TBC1D12: variants seen among roughly 807,000 people sequenced by gnomAD.
The protein encoded by TBC1D12 is TBC1 domain family member 12.
A neutral mutation model predicts 86.7 loss-of-function variants in TBC1D12; 56 were observed. That is an observed-to-expected ratio of 0.65 (90% CI 0.52 to 0.81). The LOEUF is 0.81. Ranked by LOEUF, TBC1D12 falls within the 30% of genes least tolerant of loss-of-function variation. The pLI is 0.00. For synonymous variants in TBC1D12, 421 were observed against 411.7 expected, an observed-to-expected ratio of 1.02 and a Z score of -0.27; for missense variants, 1,023 against 1,038.8, an observed-to-expected ratio of 0.98 and a Z score of 0.21.
chr10:94,423,826 C>G (rs2055112145), intron 1 of TBC1D12, among the ~76,000 whole-genome samples: 1 of 152,086 alleles, frequency 6.6e-6, no homozygotes, highest in African/African-American at 2.4e-5. Context: ...GCTACTGTTT[C>G]AGAGAAGGAA....
At chr10:94,445,627 T>G (rs1225638159) in intron 2 of TBC1D12, among the ~76,000 whole-genome samples, 1 of 152,118 alleles carries the variant, frequency 6.6e-6, no homozygotes, top group African/African-American at 2.4e-5. Flanking sequence ...AGTCAAGTCA[T>G]TTTTCTTCTG....
At chr10:94,482,004 T>C (rs1019286147) in intron 3 of TBC1D12, among the ~76,000 whole-genome samples, 3 of 152,228 alleles carry the variant, frequency 2.0e-5, no homozygotes, top group Admixed American at 6.5e-5. Flanking sequence ...TTTCTTTTTG[T>C]TTTCCAAATT....
intron 3 of TBC1D12, among the ~76,000 whole-genome samples, chr10:94,478,275 T>G (rs918681796): frequency 6.6e-6 from 1 of 151,884 alleles, no homozygotes; most frequent in African/African-American, 2.4e-5. Flanking sequence ...AAAAATAAAA[T>G]AAGATGACAG....
At chr10:94,508,774 T>C (rs2056491448) in intron 7 of TBC1D12, 2 of 152,196 alleles carry the variant, frequency 1.3e-5, no homozygotes. Context: ...GATAGTGTCA[T>C]TGCCTGTTAA....
At chr10:94,482,895 G>A (rs1360905577) in intron 3 of TBC1D12, among the ~76,000 whole-genome samples, 2 of 152,074 alleles carry the variant, frequency 1.3e-5, no homozygotes, top group Non-Finnish European at 2.9e-5. Context: ...AAATAAGTGA[G>A]AACATGTGAT....
chr10:94,525,506 A>C (rs1842264536), intron 11 of TBC1D12, among the ~76,000 whole-genome samples: 1 of 151,880 alleles, frequency 6.6e-6, no homozygotes, highest in Non-Finnish European at 1.5e-5. Context: ...CGGGAGGCTG[A>C]GGCACGAGAA....
At chr10:94,479,307 T>C (rs2056042559) in intron 3 of TBC1D12, among the ~76,000 whole-genome samples, 1 of 152,202 alleles carries the variant, frequency 6.6e-6, no homozygotes, top group Non-Finnish European at 1.5e-5. Flanking sequence ...TTAGCTTCTA[T>C]TTTTTCCTGT....
intron 11 of TBC1D12, 76 bp downstream of exon 11, chr10:94,522,529 A>T: frequency 1.5e-6 from 1 of 647,804 alleles, no homozygotes; most frequent in Non-Finnish European, 2.5e-6. Flanking sequence ...TAGGAACTAG[A>T]GTAAATCTCA....
Position 94,403,399 on chromosome 10 carries a change from G to A in TBC1D12, c.786G>A (p.Pro262=), listed in dbSNP as rs2054799308. The change falls in exon 1 of 13, where the codon CCG becomes CCA. Residue 262 remains proline (P), a synonymous_variant. Transcript: ENST00000225235. ...AGAGGACTAATGGGGGTGCGGAGCC[G>A]CGCCTGGGCTTTTCTGACATTCACT... is the stretch of plus-strand genomic sequence containing the variant. ...SAERTNGGAE[P]RLGFSDIHFN... is the part of the protein sequence containing the mutation. 2.6e-6 allele frequency: 4 copies of A among 1,546,756 alleles called. No homozygotes were observed. Among genetic ancestry groups the A allele is most frequent in the East Asian group, 2.5e-5 (1 of 39,942 alleles).
At chr10:94,479,369 G>T (rs539666649) in intron 3 of TBC1D12, among the ~76,000 whole-genome samples, 23 of 152,050 alleles carry the variant, frequency 1.5e-4, no homozygotes, top group African/African-American at 5.5e-4. Context: ...TTAACATAAT[G>T]AAAAGGGATA....
At chr10:94,417,333 G>T (rs546335014) in intron 1 of TBC1D12, among the ~76,000 whole-genome samples, 1 of 152,302 alleles carries the variant, frequency 6.6e-6, no homozygotes, top group Non-Finnish European at 1.5e-5. Context: ...GCAAGAAGGG[G>T]TGGTTAATAA....
rs1427850669 is a variant in TBC1D12 at position 94,442,098 on chromosome 10, TTA to T, written c.1095+80_1095+81del. ...CTTCTTCTTCTTTTTTTTTTTTTTTTTAAACTAACCATATTCTATTTTTATTC... is the reference window on the plus strand; with the variant it reads ...CTTCTTCTTCTTTTTTTTTTTTTTTTAACTAACCATATTCTATTTTTATTC... On this transcript the variant is annotated intron_variant, in intron 2 of 12. Coordinates refer to ENST00000225235, the MANE Select transcript of TBC1D12 (RefSeq NM_015188.2). 4.5e-4 allele frequency: 380 copies of T among 850,208 alleles called. 1 individual carries two copies. The highest frequency in any genetic ancestry group is 6.1e-4 in the Non-Finnish European group (361 of 588,460). 52.7% of individuals were successfully genotyped at this position (850,208 alleles called of 1,614,324 possible).
At chr10:94,492,438 G>A (rs995733851) in intron 3 of TBC1D12, among the ~76,000 whole-genome samples, 4 of 152,146 alleles carry the variant, frequency 2.6e-5, no homozygotes, top group African/African-American at 9.7e-5. Flanking sequence ...TTAACTAAGG[G>A]AAATGAAAGC....
At chr10:94,516,496 C>A (rs1358153090) in intron 9 of TBC1D12, among the ~76,000 whole-genome samples, 2 of 151,680 alleles carry the variant, frequency 1.3e-5, no homozygotes, top group Non-Finnish European at 2.9e-5. Context: ...TATACATGTG[C>A]CATGTTGGTG....
rs147268534 is a variant in TBC1D12, at chr10:94,505,760, T to C, written c.1520-1507T>C. 2.9e-3 allele frequency among the ~76,000 whole-genome samples: 435 copies of C among 152,334 alleles called. 1 individual carries two copies. Among genetic ancestry groups the C allele is most frequent in the Non-Finnish European group, 4.8e-3 (325 of 68,022 alleles). ...CTTGGCAATATAAGAATACTCGTTA[T>C]GGTATAGTCATTACTTTGGAAAATT... is the stretch of plus-strand genomic sequence containing the variant. On this transcript the variant is annotated intron_variant, in intron 6 of 12. Transcript: ENST00000225235.
At position 94,507,284 on chromosome 10, in the gene TBC1D12, C is replaced by T. The variant is rs2056471480; in HGVS notation, c.1537C>T (p.Leu513Phe). The change falls in exon 7 of 13, where the codon CTC (leucine) becomes TTC (phenylalanine). Residue 513 changes from leucine (L) to phenylalanine (F), a missense_variant. By Grantham distance (22) the Leu-to-Phe change is conservative. Transcript: ENST00000225235. Reference sequence around the variant, plus strand: ...ACCCCCAGAACTTTATGAAATCTTCCTCTCAAGAGCAAAAGAACGGTGGAA... The same window carrying T: ...ACCCCCAGAACTTTATGAAATCTTCTTCTCAAGAGCAAAAGAACGGTGGAA... ...NITPELYEIF[L>F]SRAKERWKSF... The T allele has an allele frequency of 1.2e-6, 2 of 1,610,676 alleles. No homozygotes were observed. Among genetic ancestry groups the T allele is most frequent in the East Asian group, 2.2e-5 (1 of 44,744 alleles).
chr10:94,441,167 T>C (rs1038080188), intron 1 of TBC1D12, among the ~76,000 whole-genome samples: 1 of 151,628 alleles, frequency 6.6e-6, no homozygotes, highest in Admixed American at 6.6e-5. Flanking sequence ...TTTTTTTTTT[T>C]CTAGATTTTT....
chr10:94,532,537 A>G (rs1842459186), intron 12 of TBC1D12, among the ~76,000 whole-genome samples: 1 of 152,162 alleles, frequency 6.6e-6, no homozygotes, highest in Non-Finnish European at 1.5e-5. Context: ...CACAGTAGTC[A>G]TTTATTTGCC....
chr10:94,412,860 C>T (rs960305645), intron 1 of TBC1D12, among the ~76,000 whole-genome samples: 1 of 152,158 alleles, frequency 6.6e-6, no homozygotes, highest in Non-Finnish European at 1.5e-5. Context: ...TTGGACCCTA[C>T]TACAGTGATT....
Sources: gnomAD v4.1 joint callset for allele counts (sites outside exome capture counted in the v4.1 genomes callset) on GRCh38, gnomAD v4.1.1 for gene constraint, MANE v1.5 for transcripts, NCBI Gene and HGNC (gene_info 2026-07-23, HGNC 2026-07-21) for gene names.